The following HYDIN variants were observed in gnomAD, a reference collection of about 807,000 sequenced individuals.
HYDIN encodes axonemal central pair apparatus protein HYDIN.
Under a neutral mutation model 403.9 loss-of-function variants are expected in HYDIN, and 132 were observed. That is an observed-to-expected ratio of 0.33 (90% confidence interval 0.28 to 0.38). The LOEUF is 0.38. Ranked by LOEUF, HYDIN falls within the 10% of genes least tolerant of loss-of-function variation. The pLI is 1.00. For missense variants in HYDIN, 2,827 were observed against 5,009.5 expected, an observed-to-expected ratio of 0.56 and a Z score of 13.15; for synonymous variants, 1,202 against 1,891.7, an observed-to-expected ratio of 0.64 and a Z score of 9.46.
rs568610423 is a variant in HYDIN at position 70,803,156 on chromosome 16, A to G, written c.*4424T>C. Among the ~76,000 whole-genome samples, 1 of 152,158 alleles carries G rather than the reference A, an allele frequency of 6.6e-6. No homozygotes were observed. Among genetic ancestry groups the G allele is most frequent in the African/African-American group, 2.4e-5 (1 of 41,394 alleles). On this transcript the variant is annotated 3_prime_UTR_variant, in exon 86 of 86. Coordinates refer to ENST00000393567, the MANE Select transcript of HYDIN (RefSeq NM_001270974.2). ...ACAGTTTTTAATAATTCAAACAATA[A>G]GGAATTTTTTTTTTACCAGAAGTAT...
In HYDIN at chr16:71,184,901, G is replaced by C. The variant is rs771889255; in HGVS notation, c.225C>G (p.Ile75Met). Residue 75 changes from isoleucine (I) to methionine (M), a missense_variant, in exon 3 of 86, where the codon ATC (isoleucine) becomes ATG (methionine). Coordinates refer to ENST00000393567, the MANE Select transcript of HYDIN (RefSeq NM_001270974.2). The stretch of plus-strand genomic sequence containing the variant: ...TTGTTTCCCCCATATCTAAGAGTTC[G>C]ATGATCTGTGGTCGGCACATCAAAC... ...KTRLMCRPQI[I>M]ELLDMGETTH... The C allele has an allele frequency of 1.9e-6, 3 of 1,609,494 alleles. No homozygotes were observed. Among genetic ancestry groups the C allele is most frequent in the East Asian group, 2.2e-5 (1 of 44,828 alleles).
intron 12 of HYDIN, among the ~76,000 whole-genome samples, chr16:71,086,728 T>C (rs918546246): frequency 2.0e-4 from 30 of 152,246 alleles, no homozygotes; most frequent in Non-Finnish European, 3.7e-4. Context: ...AGTAGTCAGC[T>C]TCCAAGAGTT....
chr16:71,229,100 G>A (rs564099840), intron 1 of HYDIN, among the ~76,000 whole-genome samples: 51 of 135,044 alleles, frequency 3.8e-4, no homozygotes, highest in African/African-American at 1.3e-3. Flanking sequence ...GGTGGGCAAC[G>A]AACAATGAGA....
chr16:70,898,264 C>T (rs111458390), intron 53 of HYDIN, among the ~76,000 whole-genome samples: 41 of 152,104 alleles, frequency 2.7e-4, no homozygotes, highest in African/African-American at 9.9e-4. Flanking sequence ...CCCCTTGCTG[C>T]CTGCCTCCTG....
At position 71,186,870 on chromosome 16, in the gene HYDIN, G is replaced by T. The variant is rs747342387; in HGVS notation, c.26C>A (p.Ser9Tyr). The T allele has an allele frequency of 4.3e-6, 7 of 1,612,148 alleles. No individual in the cohort carries two copies. In the East Asian group the frequency reaches 1.3e-4, roughly 31 times the overall value. The part of the protein sequence containing the change: MTSRRLEE[S>Y]MGAVQMGLVN... ...CAATCCCATCTGAACAGCCCCCATG[G>T]ACTCCTCAAGTCTTCTACTTGTCAT... Residue 9 changes from serine (S) to tyrosine (Y), a missense_variant, in exon 2 of 86, where the codon TCC becomes TAC. Coordinates refer to ENST00000393567, the MANE Select transcript of HYDIN (RefSeq NM_001270974.2).
intron 18 of HYDIN, among the ~76,000 whole-genome samples, chr16:71,055,135 A>C (rs1447466339): frequency 2.0e-5 from 3 of 152,298 alleles, no homozygotes; most frequent in African/African-American, 7.2e-5. Context: ...CACCATTTCC[A>C]AGTCCATTTT....
At chr16:70,955,094 C>T (rs924365318) in intron 40 of HYDIN, among the ~76,000 whole-genome samples, 1 of 152,262 alleles carries the variant, frequency 6.6e-6, no homozygotes, top group African/African-American at 2.4e-5. Flanking sequence ...CGCATGTCTG[C>T]TTCCCCCACC....
In HYDIN at chr16:70,868,793, G is replaced by A; in HGVS notation, c.11092-5C>T. ...CCCAGGGTGGAGGTGGCCCATCTAG[G>A]AAAGAGCCTGGTATTAGTATTTTTG... On this transcript the variant is annotated splice_polypyrimidine_tract_variant and splice_region_variant and intron_variant, in intron 65 of 85. Transcript: ENST00000393567. The A allele has an allele frequency of 3.7e-6, 6 of 1,612,102 alleles. No homozygotes were observed. Among genetic ancestry groups the A allele is most frequent in the Middle Eastern group, 1.7e-4 (1 of 6,046 alleles).
intron 6 of HYDIN, among the ~76,000 whole-genome samples, chr16:71,158,427 C>T (rs1194659672): frequency 4.0e-5 from 6 of 151,556 alleles, no homozygotes; most frequent in Non-Finnish European, 5.9e-5. Flanking sequence ...TTTTTTGCAA[C>T]TTCACACTAT....
At chr16:71,037,430 A>C (rs2081126565) in intron 18 of HYDIN, among the ~76,000 whole-genome samples, 1 of 152,074 alleles carries the variant, frequency 6.6e-6, no homozygotes, top group African/African-American at 2.4e-5. Context: ...GGCCCCCAGG[A>C]TCTCCACCTC....
At chr16:71,184,361 C>G (rs1051744216) in intron 3 of HYDIN, among the ~76,000 whole-genome samples, 5 of 151,960 alleles carry the variant, frequency 3.3e-5, no homozygotes, top group Admixed American at 6.6e-5. Context: ...CTCCTAAAGC[C>G]TGGAAGGTAT....
At chr16:70,946,904 T>A (rs1258626822) in intron 41 of HYDIN, among the ~76,000 whole-genome samples, 1 of 152,210 alleles carries the variant, frequency 6.6e-6, no homozygotes. Context: ...CCTGAGACTT[T>A]GCTGAAGTTG....
At chr16:70,949,483 C>CA (rs1027716984) in intron 41 of HYDIN, among the ~76,000 whole-genome samples, 16 of 152,060 alleles carry the variant, frequency 1.1e-4, no homozygotes, top group Admixed American at 5.2e-4. Context: ...AAACAAGAAA[C>CA]AAAAAAACCC....
At chr16:71,211,688 C>T (rs1204017335) in intron 1 of HYDIN, among the ~76,000 whole-genome samples, 4 of 149,852 alleles carry the variant, frequency 2.7e-5, no homozygotes, top group Admixed American at 2.0e-4. Flanking sequence ...CACCATCATT[C>T]AAGACCACAA....
In HYDIN at chr16:71,218,556, G is replaced by A. The variant is rs931446819; in HGVS notation, c.-24+12006C>T. ...CTGTTTAATTGTAATTACAAACAGCGATGTAAAAACGCAAATGATTAACAA... is the reference window on the plus strand; with the variant it reads ...CTGTTTAATTGTAATTACAAACAGCAATGTAAAAACGCAAATGATTAACAA... On this transcript the variant is annotated intron_variant, in intron 1 of 85. Transcript: ENST00000393567. Among the ~76,000 whole-genome samples the A allele has an allele frequency of 2.6e-5, 4 of 152,264 alleles. No individual in the cohort carries two copies. The South Asian group carries it at 6.2e-4, about 24-fold the overall frequency.
Position 70,943,831 on chromosome 16 carries a change from A to G in HYDIN, c.6650T>C (p.Ile2217Thr). 6.2e-7 allele frequency: 1 copy of G among 1,613,134 alleles called. No homozygotes were observed. Among genetic ancestry groups the G allele is most frequent in the African/African-American group, 1.3e-5 (1 of 75,054 alleles). The change falls in exon 42 of 86, where the codon ATC becomes ACC. Residue 2217 changes from isoleucine (I) to threonine (T), a missense_variant. Coordinates refer to ENST00000393567, the MANE Select transcript of HYDIN (RefSeq NM_001270974.2). ...CVLPDELLVQILAERIQLSDC... is the reference protein window; with the variant it reads ...CVLPDELLVQTLAERIQLSDC... ...ACCCACCTGTATCCGCTCTGCCAGG[A>G]TCTGCACGAGAAGTTCATCCGGGAG...
intron 30 of HYDIN, among the ~76,000 whole-genome samples, chr16:70,976,804 A>C (rs1030733131): frequency 1.3e-5 from 2 of 152,248 alleles, no homozygotes; most frequent in Non-Finnish European, 2.9e-5. Flanking sequence ...GGGAGTGATA[A>C]TGGAAAAGGT....
chr16:70,841,480 C>A (rs2037816945), intron 75 of HYDIN, among the ~76,000 whole-genome samples: 1 of 152,004 alleles, frequency 6.6e-6, no homozygotes, highest in African/African-American at 2.4e-5. Context: ...GCTTCCCGAA[C>A]TCTCAATGAC....
At chr16:70,991,132 C>T (rs2079337543) in intron 25 of HYDIN, among the ~76,000 whole-genome samples, 186 bp downstream of exon 25, 1 of 152,150 alleles carries the variant, frequency 6.6e-6, no homozygotes, top group South Asian at 2.1e-4. Flanking sequence ...AGGAACATCA[C>T]AAGTGTAGGC....
Sources: allele counts gnomAD v4.1 joint callset (sites outside exome capture counted in the v4.1 genomes callset), GRCh38; gene constraint gnomAD v4.1.1; transcripts MANE v1.5; gene names NCBI Gene and HGNC (gene_info 2026-07-23, HGNC 2026-07-21).